The following CROCC2 variants were observed in gnomAD, a reference collection of about 807,000 sequenced individuals.
The protein encoded by CROCC2 is ciliary rootlet coiled-coil protein 2.
CROCC2 carries 163 observed loss-of-function variants against 177.6 expected under a neutral mutation model. The ratio of observed to expected loss-of-function variants is 0.92; its 90% CI spans 0.81 to 1.05. CROCC2 has a LOEUF of 1.05. CROCC2 is among the 50% of genes least tolerant of loss of function. The pLI is 0.00. For synonymous variants in CROCC2, 904 were observed against 787.3 expected (o/e 1.15, Z -2.48); for missense variants, 1,929 against 1,797.8 (o/e 1.07, Z -1.32).
At position 240,946,082 on chromosome 2, in the gene CROCC2, T is replaced by C. The variant is rs532612637; in HGVS notation, c.2192T>C (p.Leu731Pro). The C allele has an allele frequency of 1.3e-6, 2 of 1,526,620 alleles. No individual in the cohort carries two copies. Among genetic ancestry groups the C allele is most frequent in the Admixed American group, 2.0e-5 (1 of 50,314 alleles). The allele number at this position is 1,526,620 out of a possible 1,614,324, so 94.6% of individuals were successfully genotyped here. ...VGQVTCQKQA[L>P]EEQLAQSLQD... ...TAGGTCACATGCCAGAAACAGGCCC[T>C]GGAGGAGCAGCTGGCTCAGAGCCTG... Residue 731 changes from leucine to proline, a missense_variant, in exon 15 of 32, where the codon CTG becomes CCG. Around this residue, in one of 3 missense-constraint regions of CROCC2, gnomAD observed 1,397 missense variants for 1,239.9 expected, o/e 1.13. Transcript: ENST00000690015.
At chr2:240,952,628 A>G (rs2059564079) in intron 18 of CROCC2, among the ~76,000 whole-genome samples, 2 of 152,246 alleles carry the variant, frequency 1.3e-5, no homozygotes, top group South Asian at 4.1e-4. Context: ...GGACGTGGAC[A>G]TTGGCAGGAT....
intron 28 of CROCC2, among the ~76,000 whole-genome samples, chr2:240,983,942 T>A (rs2059819116): frequency 6.6e-6 from 1 of 152,138 alleles, no homozygotes; most frequent in Admixed American, 6.5e-5. Context: ...GCCCTGCGGC[T>A]GGAGCAACAG....
At chr2:240,944,558 C>T (rs1049104699) in intron 14 of CROCC2, among the ~76,000 whole-genome samples, 1 of 151,924 alleles carries the variant, frequency 6.6e-6, no homozygotes, top group African/African-American at 2.4e-5. Context: ...GGTTATTAGT[C>T]CTTTCTTTTA....
intron 2 of CROCC2, among the ~76,000 whole-genome samples, chr2:240,919,386 G>A (rs192562839): frequency 4.6e-5 from 7 of 152,250 alleles, no homozygotes; most frequent in Admixed American, 1.3e-4. Flanking sequence ...GAGCACAGAC[G>A]CCCACCCCCC....
At chr2:240,951,559 C>T (rs144097875) in intron 18 of CROCC2, among the ~76,000 whole-genome samples, 195 of 152,248 alleles carry the variant, frequency 1.3e-3, no homozygotes, top group Admixed American at 3.7e-3. Context: ...CATCCACATT[C>T]GTAGCTGTCC....
chr2:240,934,511 T>G, intron 12 of CROCC2, 36 bp downstream of exon 12: 1 of 1,367,412 alleles, frequency 7.3e-7, no homozygotes, highest in Non-Finnish European at 9.5e-7. Context: ...CCCCCTCTCC[T>G]GTCTGCCCCC....
intron 5 of CROCC2, among the ~76,000 whole-genome samples, chr2:240,927,395 G>A (rs1057502762): frequency 2.6e-5 from 4 of 152,118 alleles, no homozygotes; most frequent in South Asian, 2.1e-4. Flanking sequence ...CCTCCTCTGA[G>A]CTCCGGCTAG....
chr2:240,933,623 C>A, intron 10 of CROCC2, 47 bp from the exon 11 acceptor site: 11 of 1,536,312 alleles, frequency 7.2e-6, no homozygotes, highest in Non-Finnish European at 9.7e-6. Flanking sequence ...CGCGGTGCAC[C>A]TTGAATGTGT....
chr2:240,946,162 G>A lies in CROCC2; in HGVS notation c.2272G>A (p.Ala758Thr), dbSNP rs1559599987. ...TLQQALQGKD[A>T]LSEERAQLLA... Reference sequence around the variant, plus strand: ...GCAGCAAGCCCTGCAAGGAAAGGATGCTCTGTCTGAGGAGCGGGCCCAGCT... The same window carrying A: ...GCAGCAAGCCCTGCAAGGAAAGGATACTCTGTCTGAGGAGCGGGCCCAGCT... Residue 758 changes from alanine to threonine, a missense_variant, in exon 15 of 32, where the codon GCT becomes ACT. Physicochemically the swap from Ala to Thr is moderately conservative, Grantham distance 58 (BLOSUM62 0). Coordinates refer to ENST00000690015, the MANE Select transcript of CROCC2 (RefSeq NM_001351305.2). 19 of 1,548,784 alleles carry A rather than the reference G, an allele frequency of 1.2e-5. No homozygotes were observed. The East Asian group carries it at 3.9e-4, about 32-fold the overall frequency.
Position 240,949,230 on chromosome 2 carries a change from C to T in CROCC2, c.2482+133C>T. On this transcript the variant is annotated intron_variant, in intron 16 of 31. Coordinates refer to ENST00000690015, the MANE Select transcript of CROCC2 (RefSeq NM_001351305.2). The surrounding 1 kb of genome is among the most constrained non-coding windows in gnomAD (Gnocchi z 4.5). ...CAGGGGCATGAACATGAGCTTGGAG[C>T]TCATGCGACTGAGCGACTTGGGCCA... The T allele has an allele frequency of 7.0e-7, 1 of 1,430,446 alleles. No homozygotes were observed. The highest frequency in any genetic ancestry group is 2.5e-5 in the East Asian group (1 of 39,956). 88.6% of individuals were successfully genotyped at this position (1,430,446 alleles called of 1,614,324 possible). A position where few individuals can be genotyped will look rare whatever the true frequency, so the allele number is the denominator to read the frequency against.
intron 5 of CROCC2, among the ~76,000 whole-genome samples, chr2:240,929,066 G>A (rs2059411681): frequency 6.6e-6 from 1 of 152,052 alleles, no homozygotes; most frequent in Non-Finnish European, 1.5e-5. Flanking sequence ...ACAGCCAGGT[G>A]GAATGGACAC....
Position 240,964,618 on chromosome 2 carries a change from A to G in CROCC2, c.3458A>G (p.His1153Arg), listed in dbSNP as rs1400793278. 12 of 1,548,858 alleles carry G rather than the reference A, an allele frequency of 7.7e-6. No individual in the cohort carries two copies. In the East Asian group the frequency reaches 2.7e-4, roughly 35 times the overall value. ...GDARQELRELHRQVRTLKAEN... is the reference protein window; with the variant it reads ...GDARQELRELRRQVRTLKAEN... ...GCCCGTCAGGAGCTCCGGGAACTCC[A>G]CAGACAGGTAGGGCGGCAGGGAGGG... Residue 1153 changes from histidine (H) to arginine (R), a missense_variant, in exon 22 of 32, where the codon CAC becomes CGC. His to Arg is a conservative substitution (Grantham distance 29). Around this residue, in one of 3 missense-constraint regions of CROCC2, gnomAD observed 1,397 missense variants for 1,239.9 expected, o/e 1.13. Transcript: ENST00000690015.
At chr2:240,910,745 C>T (rs1183780707) in intron 1 of CROCC2, among the ~76,000 whole-genome samples, 1 of 152,270 alleles carries the variant, frequency 6.6e-6, no homozygotes, top group Non-Finnish European at 1.5e-5. Context: ...CATATGCATT[C>T]TTCCTTCGCT....
In CROCC2 at chr2:240,923,198, A is replaced by C. The variant is rs2059368264; in HGVS notation, c.488+553A>C. ...CGGGTCAACCTGGCTCATGAATAACAGGGAGGGAGTGGCAAAGAGAGACAG... is the reference window on the plus strand; with the variant it reads ...CGGGTCAACCTGGCTCATGAATAACCGGGAGGGAGTGGCAAAGAGAGACAG... On this transcript the variant is annotated intron_variant, in intron 4 of 31. Transcript: ENST00000690015. Among the ~76,000 whole-genome samples the C allele has an allele frequency of 2.6e-5, 4 of 151,930 alleles. 1 individual carries two copies. The South Asian group carries it at 8.3e-4, about 31-fold the overall frequency.
At chr2:240,942,511 G>GT (rs933913685) in intron 14 of CROCC2, among the ~76,000 whole-genome samples, 5 of 151,840 alleles carry the variant, frequency 3.3e-5, no homozygotes, top group Non-Finnish European at 7.4e-5. Context: ...AATATTGTTT[G>GT]TTTTTTTATT....
rs1173826487 is a variant in CROCC2, at chr2:240,932,364, G to A, written c.994G>A (p.Glu332Lys). The change falls in exon 8 of 32, where the codon GAG (glutamate) becomes AAG (lysine). Residue 332 changes from glutamate to lysine, a missense_variant. Glu to Lys is a moderately conservative substitution (Grantham distance 56, BLOSUM62 1). This residue lies in a region of CROCC2 where 1,397 missense variants were observed against 1,239.9 expected (regional missense o/e 1.13). Transcript: ENST00000690015. ...GGTGGAGAAGCTTACAGAGCAGAAT[G>A]AGCAGAAGGCGAAGACCATCGCTGC... ...LLVEKLTEQNEQKAKTIAALR... is the reference protein window; with the variant it reads ...LLVEKLTEQNKQKAKTIAALR... 2 of 717,348 alleles carry A rather than the reference G, an allele frequency of 2.8e-6. No homozygotes were observed. Among genetic ancestry groups the A allele is most frequent in the Non-Finnish European group, 5.2e-6 (2 of 385,056 alleles). 44.4% of individuals were successfully genotyped at this position (717,348 alleles called of 1,614,324 possible). A position where few individuals can be genotyped will look rare whatever the true frequency, so the allele number is the denominator to read the frequency against.
In CROCC2 at chr2:240,949,066, G is replaced by T; in HGVS notation, c.2451G>T (p.Arg817=). The change falls in exon 16 of 32, where the codon CGG becomes CGT. Residue 817 remains arginine (R), a synonymous_variant. Transcript: ENST00000690015. The surrounding 1 kb of genome is among the most constrained non-coding windows in gnomAD (Gnocchi z 4.5). ...AGGAGCAGCTGGAGGAGGAAGCCCG[G>T]AGCGCAGGACTCGCGCGGCAGGCCT... The part of the protein sequence containing the change: ...KLQEQLEEEA[R]SAGLARQALQ... The T allele has an allele frequency of 6.5e-7, 1 of 1,548,472 alleles. No individual in the cohort carries two copies. The highest frequency in any genetic ancestry group is 8.7e-7 in the Non-Finnish European group (1 of 1,146,516).
intron 27 of CROCC2, among the ~76,000 whole-genome samples, chr2:240,979,704 A>G (rs1166546431): frequency 1.3e-3 from 15 of 11,228 alleles, no homozygotes; most frequent in South Asian, 3.5e-3. Flanking sequence ...ATCCCTGCTC[A>G]GTCTCTGGGG....
chr2:240,946,083 G>A lies in CROCC2; in HGVS notation c.2193G>A (p.Leu731=). 6.5e-7 allele frequency: 1 copy of A among 1,527,130 alleles called. No individual in the cohort carries two copies. Among genetic ancestry groups the A allele is most frequent in the African/African-American group, 1.4e-5 (1 of 72,798 alleles). 94.6% of individuals were successfully genotyped at this position (1,527,130 alleles called of 1,614,324 possible). A position where few individuals can be genotyped will look rare whatever the true frequency, so the allele number is the denominator to read the frequency against. Residue 731 remains leucine, a synonymous_variant, in exon 15 of 32, where the codon CTG becomes CTA. Coordinates refer to ENST00000690015, the MANE Select transcript of CROCC2 (RefSeq NM_001351305.2). ...VGQVTCQKQA[L]EEQLAQSLQD... is the part of the protein sequence containing the mutation. ...AGGTCACATGCCAGAAACAGGCCCT[G>A]GAGGAGCAGCTGGCTCAGAGCCTGC... is the stretch of plus-strand genomic sequence containing the variant.
Sources: gnomAD v4.1 joint callset for allele counts (sites outside exome capture counted in the v4.1 genomes callset) on GRCh38, gnomAD v4.1.1 for gene constraint, gnomAD v4.1.1 regional missense constraint, Gnocchi (gnomAD v3.1) non-coding constraint, MANE v1.5 for transcripts, NCBI Gene and HGNC (gene_info 2026-07-23, HGNC 2026-07-21) for gene names.